The following CEP85L variants were observed in gnomAD, a reference collection of about 807,000 sequenced individuals.
CEP85L encodes centrosomal protein 85L, also known as centrosomal protein of 85 kDa-like.
Under a neutral mutation model 100.3 loss-of-function variants are expected in CEP85L, and 60 were observed. The ratio of observed to expected loss-of-function variants is 0.60; its 90% CI spans 0.49 to 0.74. CEP85L has a LOEUF of 0.74. CEP85L is among the 30% of genes least tolerant of loss of function. The pLI, the probability that CEP85L is intolerant of heterozygous loss-of-function variation, is 0.00. For synonymous variants in CEP85L, 319 were observed against 322.7 expected, an observed-to-expected ratio of 0.99 and a Z score of 0.12; for missense variants, 973 against 936.2, an observed-to-expected ratio of 1.04 and a Z score of -0.51.
intron 2 of CEP85L, among the ~76,000 whole-genome samples, chr6:118,588,841 C>T (rs1220375946): frequency 2.6e-5 from 4 of 152,174 alleles, no homozygotes; most frequent in Admixed American, 2.6e-4. Context: ...TGGATCTACC[C>T]CAGGAGGAGC....
chr6:118,496,717 G>T (rs1024824491), intron 5 of CEP85L, among the ~76,000 whole-genome samples: 5 of 152,172 alleles, frequency 3.3e-5, no homozygotes, highest in Non-Finnish European at 7.3e-5. Flanking sequence ...AGCCACTCCA[G>T]AGATTTCTTT....
At chr6:118,665,292 T>C (rs1431938965) in intron 1 of CEP85L, among the ~76,000 whole-genome samples, 1 of 152,218 alleles carries the variant, frequency 6.6e-6, no homozygotes, top group Non-Finnish European at 1.5e-5. Flanking sequence ...GATAGGTGTG[T>C]CATTTATCAA....
intron 5 of CEP85L, among the ~76,000 whole-genome samples, chr6:118,494,258 T>C: frequency 6.6e-6 from 1 of 152,142 alleles, no homozygotes. Flanking sequence ...TCTGTGAGTT[T>C]TACCTCCAGG....
intron 1 of CEP85L, among the ~76,000 whole-genome samples, chr6:118,691,377 T>C (rs1777038424): frequency 6.6e-6 from 1 of 151,770 alleles, no homozygotes; most frequent in African/African-American, 2.4e-5. Context: ...CTACTAAAAA[T>C]ACAAAATTAG....
rs573482520 is a variant in CEP85L at position 118,463,484 on chromosome 6, G to A, written c.*1921C>T. ...TGATCTATTTTAGACGTTATTATCT[G>A]TTTTACCATAAAGGACCAAGGCAGA... On this transcript the variant is annotated 3_prime_UTR_variant, in exon 13 of 13. Transcript: ENST00000368491. 6 of 151,940 alleles carry A rather than the reference G, an allele frequency of 3.9e-5. No individual in the cohort carries two copies. Among genetic ancestry groups the A allele is most frequent in the East Asian group, 1.9e-4 (1 of 5,190 alleles). 9.4% of individuals were successfully genotyped at this position (151,940 alleles called of 1,614,324 possible). A position where few individuals can be genotyped will look rare whatever the true frequency, so the allele number is the denominator to read the frequency against.
chr6:118,496,515 C>T (rs1431258208), intron 5 of CEP85L, among the ~76,000 whole-genome samples: 1 of 152,070 alleles, frequency 6.6e-6, no homozygotes, highest in Non-Finnish European at 1.5e-5. Flanking sequence ...CCACCAAGCC[C>T]GGCTAATTTT....
At chr6:118,605,569 T>C (rs937416500) in intron 2 of CEP85L, among the ~76,000 whole-genome samples, 7 of 152,210 alleles carry the variant, frequency 4.6e-5, no homozygotes, top group African/African-American at 1.4e-4. Context: ...GCCTTTGATT[T>C]TGAGAGGGAT....
intron 3 of CEP85L, among the ~76,000 whole-genome samples, chr6:118,557,209 C>T (rs1778929865): frequency 6.6e-6 from 1 of 152,112 alleles, no homozygotes. Flanking sequence ...TCCCATTTAA[C>T]ACTATTTTAT....
intron 1 of CEP85L, among the ~76,000 whole-genome samples, chr6:118,694,785 G>A (rs979533931): frequency 6.6e-6 from 1 of 152,124 alleles, no homozygotes; most frequent in Admixed American, 6.6e-5. Context: ...TACAATATAC[G>A]TTTCTGCAAT....
chr6:118,636,449 T>C (rs1774496636), intron 1 of CEP85L, among the ~76,000 whole-genome samples: 1 of 143,256 alleles, frequency 7.0e-6, no homozygotes, highest in Admixed American at 6.7e-5. Context: ...AGTTTATCCA[T>C]ATGGTATGGA....
intron 2 of CEP85L, among the ~76,000 whole-genome samples, chr6:118,616,172 A>T (rs1020600608): frequency 8.9e-4 from 136 of 152,330 alleles, no homozygotes; most frequent in African/African-American, 3.1e-3. Flanking sequence ...TAAACTTGAC[A>T]TAAAAAGCAC....
intron 2 of CEP85L, among the ~76,000 whole-genome samples, chr6:118,589,963 A>T (rs1384305505): frequency 2.6e-5 from 4 of 152,194 alleles, no homozygotes; most frequent in African/African-American, 9.7e-5. Context: ...TTCTCTGCAT[A>T]GAACAGCACT....
chr6:118,562,097 G>C (rs924449078), intron 3 of CEP85L, among the ~76,000 whole-genome samples: 5 of 152,088 alleles, frequency 3.3e-5, no homozygotes, highest in African/African-American at 7.2e-5. Context: ...GTATATAAAA[G>C]TCCTCTTTAA....
At chr6:118,638,728 AT>A (rs1403245026) in intron 1 of CEP85L, among the ~76,000 whole-genome samples, 2 of 151,746 alleles carry the variant, frequency 1.3e-5, no homozygotes, top group African/African-American at 2.4e-5. Context: ...TTCAATACTA[AT>A]TTTTTAATAC....
At chr6:118,529,640 T>A (rs1403736429) in intron 3 of CEP85L, among the ~76,000 whole-genome samples, 2 of 150,422 alleles carry the variant, frequency 1.3e-5, no homozygotes, top group East Asian at 3.9e-4. Context: ...AAAAAAATTC[T>A]TACTAGTATC....
chr6:118,491,979 AC>A (rs1294267464), intron 5 of CEP85L, 114 bp from the exon 6 acceptor site: 33 of 610,996 alleles, frequency 5.4e-5, no homozygotes, highest in Middle Eastern at 2.9e-4. Flanking sequence ...ATGAACAGAC[AC>A]ACCTTGATTT....
At chr6:118,645,201 G>A (rs1023533071) in intron 1 of CEP85L, among the ~76,000 whole-genome samples, 7 of 151,988 alleles carry the variant, frequency 4.6e-5, no homozygotes, top group East Asian at 1.9e-4. Flanking sequence ...CTCCCTTCAC[G>A]TCTGGCTTCT....
chr6:118,542,649 T>C (rs971391319), intron 3 of CEP85L, among the ~76,000 whole-genome samples: 1 of 151,534 alleles, frequency 6.6e-6, no homozygotes, highest in Non-Finnish European at 1.5e-5. Flanking sequence ...AGAATGACAG[T>C]TCCAATTCAA....
At chr6:118,674,406 C>A (rs776810651) in intron 1 of CEP85L, among the ~76,000 whole-genome samples, 35 of 152,016 alleles carry the variant, frequency 2.3e-4, no homozygotes, top group Non-Finnish European at 3.8e-4. Context: ...TGCCTGTAAT[C>A]CCAGCTACTT....
Sources: gnomAD v4.1 joint callset for allele counts (sites outside exome capture counted in the v4.1 genomes callset) on GRCh38, gnomAD v4.1.1 for gene constraint, MANE v1.5 for transcripts, NCBI Gene and HGNC (gene_info 2026-07-23, HGNC 2026-07-21) for gene names.